CCNE2: variants seen among roughly 807,000 people sequenced by gnomAD.
CCNE2 encodes the protein G1/S-specific cyclin-E2.
A neutral mutation model predicts 56.8 loss-of-function variants in CCNE2; 18 were observed. The observed-to-expected ratio is 0.32, with a 90% CI of 0.22 to 0.47. The LOEUF (loss-of-function observed/expected upper bound fraction) is 0.47. Among genes scored for constraint, CCNE2 ranks in the 20% least tolerant of loss-of-function variants. The pLI, the probability that CCNE2 is intolerant of heterozygous loss-of-function variation, is 1.00. For missense variants in CCNE2, 371 were observed against 467.1 expected (o/e 0.79, Z 1.90); for synonymous variants, 139 against 149.2 (o/e 0.93, Z 0.50).
chr8:94,885,641 C>T, intron 7 of CCNE2, 83 bp from the exon 8 acceptor site: 2 of 658,816 alleles, frequency 3.0e-6, no homozygotes. Flanking sequence ...GGGGTTACAT[C>T]CCAATAAACC....
intron 3 of CCNE2, 35 bp from the exon 4 acceptor site, chr8:94,893,979 T>A: frequency 6.2e-7 from 1 of 1,613,834 alleles, no homozygotes; most frequent in Non-Finnish European, 8.5e-7. Flanking sequence ...TAAACTAAAG[T>A]CCCAGCATGG....
At chr8:94,888,416 A>G (rs1817110375) in intron 6 of CCNE2, among the ~76,000 whole-genome samples, 1 of 152,316 alleles carries the variant, frequency 6.6e-6, no homozygotes, top group South Asian at 2.1e-4. Context: ...CACTATTGTT[A>G]TTAATAATAA....
chr8:94,888,167 A>G (rs1459280758), intron 6 of CCNE2, 94 bp from the exon 7 acceptor site: 1 of 807,278 alleles, frequency 1.2e-6, no homozygotes. Flanking sequence ...AATATGTTTA[A>G]GCCAAACTGA....
chr8:94,891,676 A>C (rs1255686032), intron 5 of CCNE2: 4 of 548,122 alleles, frequency 7.3e-6, no homozygotes, highest in Non-Finnish European at 1.3e-5. Flanking sequence ...AAAAAAAAAA[A>C]AAAACACCAT....
intron 4 of CCNE2, chr8:94,893,530 C>T (rs746249270): frequency 1.4e-5 from 3 of 213,242 alleles, no homozygotes; most frequent in Non-Finnish European, 2.7e-5. Flanking sequence ...GCCAGGCTGT[C>T]AGTGATCTCA....
chr8:94,894,477 T>G, intron 1 of CCNE2: 1 of 542,550 alleles, frequency 1.8e-6, no homozygotes, highest in East Asian at 3.0e-5. Flanking sequence ...GTCCAAAAAT[T>G]TACCAAGCAC....
Position 94,885,109 on chromosome 8 carries a change from A to G in CCNE2, c.789T>C (p.Leu263=), listed in dbSNP as rs762421794. ...VDALKDAPKV[L]LPQYSQETFI... ...ATGTTTCCTGAGAATACTGAGGTAG[A>G]AGAACTTTAGGAGCATCTTTAAGAG... The change falls in exon 9 of 12, where the codon CTT becomes CTC. Residue 263 remains leucine, a synonymous_variant. Transcript: ENST00000308108. The G allele has an allele frequency of 6.2e-7, 1 of 1,613,458 alleles. No homozygotes were observed. Among genetic ancestry groups the G allele is most frequent in the South Asian group, 1.1e-5 (1 of 91,056 alleles).
intron 7 of CCNE2, among the ~76,000 whole-genome samples, chr8:94,886,230 AAAGTC>A (rs1159797436): frequency 6.6e-6 from 1 of 152,226 alleles, no homozygotes; most frequent in Non-Finnish European, 1.5e-5. Flanking sequence ...AAATAATTCT[AAAGTC>A]AAAACAAAGG....
rs1418105125 is a variant in CCNE2, at chr8:94,894,233, A to G, written c.-12T>C. 1.2e-6 allele frequency: 2 copies of G among 1,613,768 alleles called. No individual in the cohort carries two copies. The highest frequency in any genetic ancestry group is 1.1e-5 in the South Asian group (1 of 91,088). On this transcript the variant is annotated 5_prime_UTR_variant, in exon 2 of 12. Coordinates refer to ENST00000308108, the MANE Select transcript of CCNE2 (RefSeq NM_057749.3). ...CTTCGTCTTGACATTCTCTTCTTTC[A>G]GGTGTATAAAACCTCTGAAGGGGGG...
upstream of CCNE2, chr8:94,895,328 C>T: frequency 1.1e-6 from 1 of 903,444 alleles, no homozygotes; most frequent in Non-Finnish European, 1.3e-6. Context: ...GCCCGCGCGC[C>T]GCGCCCTGCT....
At chr8:94,882,519 T>C (rs1359745645) in intron 10 of CCNE2, among the ~76,000 whole-genome samples, 2 of 152,192 alleles carry the variant, frequency 1.3e-5, no homozygotes, top group Non-Finnish European at 2.9e-5. Flanking sequence ...ACATATGAAA[T>C]TGAAATGGTC....
At chr8:94,883,271 G>A (rs1379516166) in intron 9 of CCNE2, among the ~76,000 whole-genome samples, 2 of 146,584 alleles carry the variant, frequency 1.4e-5, no homozygotes, top group Non-Finnish European at 1.5e-5. Flanking sequence ...GCGAGACTCC[G>A]TCTCAAAAAA....
intron 6 of CCNE2, 35 bp from the exon 7 acceptor site, chr8:94,888,108 C>A: frequency 7.0e-7 from 1 of 1,427,992 alleles, no homozygotes; most frequent in Non-Finnish European, 9.5e-7. Context: ...ATATTATCTT[C>A]TGAATTTCTC....
upstream of CCNE2, chr8:94,896,674 C>T (rs1416357298): frequency 6.6e-6 from 1 of 152,064 alleles, no homozygotes; most frequent in African/African-American, 2.4e-5. Flanking sequence ...GACGGAGCCT[C>T]GCGGGCGGGA....
chr8:94,881,324 A>C lies in CCNE2; in HGVS notation c.*308T>G, dbSNP rs1586542258. 3 of 381,870 alleles carry C rather than the reference A, an allele frequency of 7.9e-6. No homozygotes were observed. The East Asian group carries it at 1.2e-4, about 16-fold the overall frequency. 23.7% of individuals were successfully genotyped at this position (381,870 alleles called of 1,614,324 possible). The stretch of plus-strand genomic sequence containing the variant: ...AAATTCCTAGTTTATCAAGATAAAC[A>C]CAGTAACACTGGATTAAAGGAAAAA... On this transcript the variant is annotated 3_prime_UTR_variant, in exon 12 of 12. Transcript: ENST00000308108.
intron 1 of CCNE2, chr8:94,894,534 T>G: frequency 5.2e-6 from 2 of 384,668 alleles, no homozygotes; most frequent in Non-Finnish European, 9.5e-6. Context: ...CTCAAACGGG[T>G]TTTTCTGGGT....
rs781074109 is a variant in CCNE2, at chr8:94,882,879, C to T, written c.845G>A (p.Cys282Tyr). 1 of 1,609,498 alleles carries T rather than the reference C, an allele frequency of 6.2e-7. No individual in the cohort carries two copies. Among genetic ancestry groups the T allele is most frequent in the Non-Finnish European group, 8.5e-7 (1 of 1,176,070 alleles). ...CTCTAATGAATCAATGGCTAGAATACACAGATCTAAAAGCTAACAGGAAAA... is the reference window on the plus strand; with the variant it reads ...CTCTAATGAATCAATGGCTAGAATATACAGATCTAAAAGCTAACAGGAAAA... ...FIQIAQLLDL[C>Y]ILAIDSLEFQ... Residue 282 changes from cysteine to tyrosine, a missense_variant, in exon 10 of 12, where the codon TGT (cysteine) becomes TAT (tyrosine). Transcript: ENST00000308108.
Position 94,893,953 on chromosome 8 carries a change from T to G in CCNE2, c.112-9A>C. 6.2e-7 allele frequency: 1 copy of G among 1,613,992 alleles called. No homozygotes were observed. Among genetic ancestry groups the G allele is most frequent in the African/African-American group, 1.3e-5 (1 of 74,976 alleles). On this transcript the variant is annotated splice_polypyrimidine_tract_variant and intron_variant, in intron 3 of 11. Transcript: ENST00000308108. The stretch of plus-strand genomic sequence containing the variant: ...CTTCTTTTTTTGACATCCTGGAAAA[T>G]AGAAAAGACCATTGGTAAACTAAAG...
chr8:94,884,968 G>A, intron 9 of CCNE2, 99 bp downstream of exon 9: 4 of 1,031,356 alleles, frequency 3.9e-6, no homozygotes, highest in Non-Finnish European at 5.6e-6. Flanking sequence ...AAGGAGTGAA[G>A]TCAATATGTC....
Sources: gnomAD v4.1 joint callset for allele counts (sites outside exome capture counted in the v4.1 genomes callset) on GRCh38, gnomAD v4.1.1 for gene constraint, MANE v1.5 for transcripts, NCBI Gene and HGNC (gene_info 2026-07-23, HGNC 2026-07-21) for gene names.